Variants in DKK2 observed in about 807,000 individuals in gnomAD.
DKK2 encodes the protein dickkopf-related protein 2.
In DKK2, 11 loss-of-function variants were observed where a neutral mutation model predicts 28.1. The observed-to-expected ratio is 0.39, with a 90% CI of 0.25 to 0.65. DKK2 has a LOEUF of 0.65. Ranked by LOEUF, DKK2 falls within the 30% of genes least tolerant of loss-of-function variation. The pLI is 0.47. For missense variants in DKK2, 326 were observed against 335.5 expected (o/e 0.97, Z 0.22); for synonymous variants, 135 against 126.5 (o/e 1.07, Z -0.45).
intron 1 of DKK2, among the ~76,000 whole-genome samples, chr4:107,028,522 G>A (rs372805376): frequency 7.0e-4 from 106 of 152,018 alleles, no homozygotes; most frequent in Middle Eastern, 6.8e-3. Flanking sequence ...TTACTCTTAC[G>A]TTATTGTTGT....
intron 1 of DKK2, among the ~76,000 whole-genome samples, chr4:106,935,523 G>T (rs1578347700): frequency 6.6e-6 from 1 of 152,232 alleles, no homozygotes; most frequent in South Asian, 2.1e-4. Context: ...CTGCAAGGCG[G>T]CAGCGAGGCT....
chr4:107,019,597 A>T (rs1244843887), intron 1 of DKK2, among the ~76,000 whole-genome samples: 2 of 152,108 alleles, frequency 1.3e-5, no homozygotes, highest in Admixed American at 1.3e-4. Flanking sequence ...GGATATTGCT[A>T]GGAATATACT....
At chr4:106,936,444 C>A (rs1724589909) in intron 1 of DKK2, among the ~76,000 whole-genome samples, 1 of 152,172 alleles carries the variant, frequency 6.6e-6, no homozygotes. Context: ...TGAGCAAAGC[C>A]TCCAAGAAAT....
At chr4:106,928,923 A>C (rs1172436951) in intron 1 of DKK2, among the ~76,000 whole-genome samples, 1 of 152,076 alleles carries the variant, frequency 6.6e-6, no homozygotes, top group East Asian at 1.9e-4. Context: ...TGAAAGGGAG[A>C]GAGAGAGGGA....
chr4:106,960,882 T>G (rs1722676485), intron 1 of DKK2, among the ~76,000 whole-genome samples: 2 of 152,302 alleles, frequency 1.3e-5, no homozygotes, highest in South Asian at 4.1e-4. Flanking sequence ...TTTCCCAAAT[T>G]TCTTCCTTTC....
chr4:106,991,483 A>G (rs1046626816), intron 1 of DKK2, among the ~76,000 whole-genome samples: 6 of 152,118 alleles, frequency 3.9e-5, no homozygotes, highest in Non-Finnish European at 7.3e-5. Context: ...CCCATTAGTC[A>G]AGAACCCTCA....
intron 1 of DKK2, among the ~76,000 whole-genome samples, chr4:106,956,849 C>A (rs1418631979): frequency 6.0e-5 from 9 of 150,834 alleles, no homozygotes. Flanking sequence ...TGGGCAAGGA[C>A]TTCATGTCTA....
chr4:106,962,558 CAGA>C (rs1281002604), intron 1 of DKK2, among the ~76,000 whole-genome samples: 1 of 125,504 alleles, frequency 8.0e-6, no homozygotes, highest in East Asian at 2.9e-4. Flanking sequence ...TGTGTGAATG[CAGA>C]AGAATGAAAC....
At chr4:106,962,585 C>T (rs562308745) in intron 1 of DKK2, among the ~76,000 whole-genome samples, 1 of 148,046 alleles carries the variant, frequency 6.8e-6, no homozygotes, top group South Asian at 2.2e-4. Context: ...ATGCCCATCT[C>T]TCACCATCTA....
intron 2 of DKK2, among the ~76,000 whole-genome samples, chr4:106,925,592 G>A (rs753136364): frequency 6.6e-6 from 1 of 152,312 alleles, no homozygotes; most frequent in South Asian, 2.1e-4. Context: ...CTAGATCAGT[G>A]TAGGTCATAA....
At chr4:106,966,232 T>C (rs1180562588) in intron 1 of DKK2, among the ~76,000 whole-genome samples, 1 of 152,194 alleles carries the variant, frequency 6.6e-6, no homozygotes, top group African/African-American at 2.4e-5. Context: ...AATCATAGAA[T>C]AACCACCTCG....
chr4:106,945,559 T>C (rs147619092), intron 1 of DKK2, among the ~76,000 whole-genome samples: 1 of 152,194 alleles, frequency 6.6e-6, no homozygotes, highest in East Asian at 1.9e-4. Context: ...CAACACAAGT[T>C]TGGAGAGCTC....
intron 1 of DKK2, among the ~76,000 whole-genome samples, chr4:107,022,998 T>C (rs1723719072): frequency 6.6e-6 from 1 of 152,108 alleles, no homozygotes; most frequent in Admixed American, 6.6e-5. Context: ...ATGTTCAATT[T>C]GAGTTGCCTG....
intron 1 of DKK2, among the ~76,000 whole-genome samples, chr4:106,944,267 T>C (rs1426916257): frequency 6.6e-6 from 1 of 152,074 alleles, no homozygotes; most frequent in African/African-American, 2.4e-5. Context: ...GTCTAACTTG[T>C]TTATGATCCT....
chr4:107,033,959 A>G (rs1455295771), intron 1 of DKK2, among the ~76,000 whole-genome samples: 1 of 152,120 alleles, frequency 6.6e-6, no homozygotes, highest in East Asian at 1.9e-4. Flanking sequence ...GCCTGAACGT[A>G]TATGTACTTT....
intron 1 of DKK2, among the ~76,000 whole-genome samples, chr4:106,927,334 G>A (rs998971551): frequency 7.9e-5 from 12 of 152,028 alleles, no homozygotes; most frequent in Middle Eastern, 3.2e-3. Flanking sequence ...GCCCTCACAT[G>A]TTTTCCGTTT....
chr4:106,923,762 T>G lies in DKK2; in HGVS notation c.*192A>C. ...CAAGTTGCATAATGGAAACACTGGC[T>G]GCACTGCATTTGTCACCCATTCTAA... On this transcript the variant is annotated 3_prime_UTR_variant, in exon 4 of 4. Transcript: ENST00000285311. 1.0e-5 allele frequency: 7 copies of G among 699,508 alleles called. No homozygotes were observed. Among genetic ancestry groups the G allele is most frequent in the Non-Finnish European group, 1.6e-5 (7 of 434,398 alleles). The allele number at this position is 699,508 out of a possible 1,614,324, so 43.3% of individuals were successfully genotyped here.
chr4:107,035,261 T>C lies in DKK2; in HGVS notation c.222+109A>G, dbSNP rs553455072. On this transcript the variant is annotated intron_variant, in intron 1 of 3. Transcript: ENST00000285311. ...TCCCTCCCCAGCCGCCTGTTCTCTG[T>C]ATCTGGGGCCACGCTCCGAATGTTG... 44 of 1,312,634 alleles carry C rather than the reference T, an allele frequency of 3.4e-5. 1 individual carries two copies. Among genetic ancestry groups the C allele is most frequent in the Admixed American group, 3.3e-4 (16 of 48,946 alleles). 81.3% of individuals were successfully genotyped at this position (1,312,634 alleles called of 1,614,324 possible). A position where few individuals can be genotyped will look rare whatever the true frequency, so the allele number is the denominator to read the frequency against.
In DKK2 at chr4:106,925,991, C is replaced by T. The variant is rs556870686; in HGVS notation, c.223-42G>A. 1.7e-4 allele frequency: 260 copies of T among 1,548,440 alleles called. 4 individuals carry two copies. The South Asian group carries it at 2.1e-3, about 12-fold the overall frequency. On this transcript the variant is annotated intron_variant, in intron 1 of 3. Transcript: ENST00000285311. Reference sequence around the variant, plus strand: ...CAACACCAGAAGTAAAGGATTAGATCGTGTTTCACTTATGAAACATTACTA... The same window carrying T: ...CAACACCAGAAGTAAAGGATTAGATTGTGTTTCACTTATGAAACATTACTA...
Sources: allele counts gnomAD v4.1 joint callset (sites outside exome capture counted in the v4.1 genomes callset), GRCh38; gene constraint gnomAD v4.1.1; transcripts MANE v1.5; gene names NCBI Gene and HGNC (gene_info 2026-07-23, HGNC 2026-07-21).